The following SUPT3H variants were observed in gnomAD, a reference collection of about 807,000 sequenced individuals.
SUPT3H encodes the protein SPT3 homolog, SAGA and STAGA complex component.
In SUPT3H, 44 loss-of-function variants were observed where a neutral mutation model predicts 44.3. The ratio of observed to expected loss-of-function variants is 0.99; its 90% CI spans 0.78 to 1.28. The LOEUF (loss-of-function observed/expected upper bound fraction) is 1.28, where lower values mean the gene tolerates loss of function less well. Ranked by LOEUF, SUPT3H falls within the 50% of genes most tolerant of loss-of-function variation. The pLI is 0.00. For synonymous variants in SUPT3H, 124 were observed against 125.6 expected, an observed-to-expected ratio of 0.99 and a Z score of 0.09; for missense variants, 380 against 387.1, an observed-to-expected ratio of 0.98 and a Z score of 0.15.
intron 2 of SUPT3H, among the ~76,000 whole-genome samples, chr6:45,261,683 C>G (rs932571876): frequency 5.3e-5 from 8 of 152,058 alleles, no homozygotes; most frequent in African/African-American, 9.7e-5. Context: ...AAAGATGCCA[C>G]CACTCTCACC....
At chr6:45,064,624 G>C (rs1182082236) in intron 3 of SUPT3H, among the ~76,000 whole-genome samples, 1 of 140,160 alleles carries the variant, frequency 7.1e-6, no homozygotes, top group Non-Finnish European at 1.5e-5. Flanking sequence ...GATCTACCAA[G>C]CAAATGGAAA....
Position 45,356,581 on chromosome 6 carries a change from A to T in SUPT3H, c.101+8620T>A, listed in dbSNP as rs74653265. Among the ~76,000 whole-genome samples, 3 of 151,166 alleles carry T rather than the reference A, an allele frequency of 2.0e-5. No homozygotes were observed. In the South Asian group the frequency reaches 6.3e-4, roughly 32 times the overall value. ...CCTGGCTAATGTTTATTTTTTTTTT[A>T]GTAGAGACAGGGTTTCACCATGGTG... is the stretch of plus-strand genomic sequence containing the variant. On this transcript the variant is annotated intron_variant, in intron 2 of 10. Transcript: ENST00000371459.
At chr6:44,890,065 T>A (rs1158899984) in intron 10 of SUPT3H, among the ~76,000 whole-genome samples, 1 of 151,374 alleles carries the variant, frequency 6.6e-6, no homozygotes, top group Non-Finnish European at 1.5e-5. Flanking sequence ...TGAGATACCA[T>A]CTCACACCAG....
At chr6:44,817,420 G>A (rs1766986735) in intron 11 of SUPT3H, among the ~76,000 whole-genome samples, 1 of 152,040 alleles carries the variant, frequency 6.6e-6, no homozygotes, top group Non-Finnish European at 1.5e-5. Flanking sequence ...ATAGGGAAAA[G>A]GACAGGATGT....
chr6:45,193,276 C>T (rs1327612803), intron 2 of SUPT3H, among the ~76,000 whole-genome samples: 14 of 152,000 alleles, frequency 9.2e-5, no homozygotes, highest in Non-Finnish European at 1.6e-4. Context: ...GTAAAATCTA[C>T]TATTTATAAA....
intron 10 of SUPT3H, among the ~76,000 whole-genome samples, chr6:44,887,078 T>A (rs890587479): frequency 6.6e-6 from 1 of 152,092 alleles, no homozygotes; most frequent in Non-Finnish European, 1.5e-5. Context: ...CTATACTAAA[T>A]ATATATGCAC....
intron 2 of SUPT3H, among the ~76,000 whole-genome samples, chr6:45,251,625 AAAAG>A (rs1018044871): frequency 1.4e-4 from 22 of 152,220 alleles, no homozygotes; most frequent in Admixed American, 7.9e-4. Context: ...ATAACAGAAA[AAAAG>A]AAGGTATTTT....
At chr6:45,342,173 A>G (rs1254300920) in intron 2 of SUPT3H, among the ~76,000 whole-genome samples, 1 of 152,094 alleles carries the variant, frequency 6.6e-6, no homozygotes, top group African/African-American at 2.4e-5. Context: ...AAAATAGGAA[A>G]GGGTTTTTAT....
intron 2 of SUPT3H, among the ~76,000 whole-genome samples, chr6:45,219,778 C>A (rs142205126): frequency 2.6e-5 from 4 of 152,000 alleles, no homozygotes; most frequent in African/African-American, 7.2e-5. Context: ...CAGCAGCTCA[C>A]GCCTGTAATC....
intron 1 of SUPT3H, among the ~76,000 whole-genome samples, chr6:45,366,803 A>G (rs1432160872): frequency 6.6e-6 from 1 of 152,172 alleles, no homozygotes; most frequent in Non-Finnish European, 1.5e-5. Flanking sequence ...GTAAGAAGTC[A>G]AGTAAATTCT....
intron 6 of SUPT3H, among the ~76,000 whole-genome samples, chr6:44,968,967 C>T (rs1411414496): frequency 6.6e-6 from 1 of 152,116 alleles, no homozygotes; most frequent in Non-Finnish European, 1.5e-5. Context: ...TGTACTGCTG[C>T]CACCCTGCCA....
chr6:44,920,950 A>G (rs937062054), intron 10 of SUPT3H, among the ~76,000 whole-genome samples: 12 of 152,300 alleles, frequency 7.9e-5, no homozygotes, highest in Admixed American at 2.0e-4. Context: ...CAAATATTAA[A>G]CACCCTAAAA....
At chr6:44,963,619 T>G (rs1384492079) in intron 6 of SUPT3H, among the ~76,000 whole-genome samples, 1 of 152,248 alleles carries the variant, frequency 6.6e-6, no homozygotes, top group Middle Eastern at 3.2e-3. Context: ...CTCTTTTTAA[T>G]GTATCTGACA....
intron 7 of SUPT3H, among the ~76,000 whole-genome samples, chr6:44,961,220 A>C (rs761065634): frequency 6.6e-6 from 1 of 152,196 alleles, no homozygotes; most frequent in African/African-American, 2.4e-5. Context: ...CGAGGTTACT[A>C]GTGTTACTAG....
chr6:45,079,191 T>C (rs1167849695), intron 3 of SUPT3H, among the ~76,000 whole-genome samples: 3 of 152,038 alleles, frequency 2.0e-5, no homozygotes, highest in African/African-American at 7.2e-5. Flanking sequence ...AGGCCTGTAG[T>C]CCCAGCTACT....
chr6:45,169,603 G>C (rs1054519596), intron 2 of SUPT3H, among the ~76,000 whole-genome samples: 20 of 152,234 alleles, frequency 1.3e-4, no homozygotes, highest in African/African-American at 4.8e-4. Context: ...TAATATCAGA[G>C]TTTAGAGTCT....
chr6:45,327,047 C>T (rs1176278733), intron 2 of SUPT3H, among the ~76,000 whole-genome samples: 1 of 151,860 alleles, frequency 6.6e-6, no homozygotes, highest in Non-Finnish European at 1.5e-5. Context: ...AAGCTCTATT[C>T]ATAAATATAA....
chr6:44,996,823 G>C (rs1386825128), intron 6 of SUPT3H, among the ~76,000 whole-genome samples: 1 of 151,644 alleles, frequency 6.6e-6, no homozygotes, highest in Non-Finnish European at 1.5e-5. Flanking sequence ...TAATATTCTG[G>C]AATGTATTTT....
At chr6:45,128,533 AATATATATAT>A (rs1554257895) in intron 2 of SUPT3H, among the ~76,000 whole-genome samples, 36 of 52,254 alleles carry the variant, frequency 6.9e-4, no homozygotes, top group African/African-American at 2.3e-3. Context: ...AAAAAAAAAA[AATATATATAT>A]ATATATATAT....
Sources: allele counts gnomAD v4.1 joint callset (sites outside exome capture counted in the v4.1 genomes callset), GRCh38; gene constraint gnomAD v4.1.1; transcripts MANE v1.5; gene names NCBI Gene and HGNC (gene_info 2026-07-23, HGNC 2026-07-21).